Variants in ZNF277 observed in about 807,000 individuals in gnomAD.
ZNF277 encodes the protein nuclear receptor-interacting factor 4.
In ZNF277, 55 loss-of-function variants were observed where a neutral mutation model predicts 60.7. The ratio of observed to expected loss-of-function variants is 0.91; its 90% CI spans 0.73 to 1.13. ZNF277 has a LOEUF of 1.13. Ranked by LOEUF, ZNF277 falls within the 50% of genes most tolerant of loss-of-function variation. ZNF277 has a pLI of 0.00. For synonymous variants in ZNF277, 178 were observed against 179.3 expected, an observed-to-expected ratio of 0.99 and a Z score of 0.06; for missense variants, 510 against 523.0, an observed-to-expected ratio of 0.98 and a Z score of 0.24.
intron 1 of ZNF277, among the ~76,000 whole-genome samples, chr7:112,210,332 G>A (rs1047653332): frequency 1.3e-5 from 2 of 152,170 alleles, no homozygotes; most frequent in African/African-American, 4.8e-5. Flanking sequence ...GAGTGAGTCA[G>A]TGGGTGGGGT....
intron 4 of ZNF277, among the ~76,000 whole-genome samples, chr7:112,316,882 G>A (rs1226723726): frequency 6.6e-6 from 1 of 152,034 alleles, no homozygotes; most frequent in Non-Finnish European, 1.5e-5. Context: ...ATTCACAACA[G>A]CGAAGACTTG....
intron 1 of ZNF277, among the ~76,000 whole-genome samples, chr7:112,273,230 C>T (rs914766173): frequency 2.0e-5 from 3 of 152,198 alleles, no homozygotes; most frequent in Admixed American, 6.5e-5. Context: ...CAGGTTGTGA[C>T]CGCTGGCATG....
intron 1 of ZNF277, among the ~76,000 whole-genome samples, chr7:112,207,488 A>G (rs1470098434): frequency 6.6e-6 from 1 of 152,224 alleles, no homozygotes; most frequent in Non-Finnish European, 1.5e-5. Flanking sequence ...CGTGGCTTCA[A>G]AGAACATTTG....
intron 4 of ZNF277, among the ~76,000 whole-genome samples, chr7:112,298,132 A>G (rs1423468662): frequency 1.3e-5 from 2 of 152,196 alleles, no homozygotes; most frequent in Non-Finnish European, 2.9e-5. Flanking sequence ...GGCATAATCC[A>G]TATCATACAA....
intron 1 of ZNF277, among the ~76,000 whole-genome samples, chr7:112,256,471 C>A (rs1207507435): frequency 1.4e-5 from 2 of 145,376 alleles, no homozygotes; most frequent in East Asian, 4.0e-4. Context: ...ACTCTGTCAC[C>A]CAGACTAGAG....
intron 4 of ZNF277, among the ~76,000 whole-genome samples, chr7:112,305,680 A>G (rs529771588): frequency 1.3e-5 from 2 of 152,020 alleles, no homozygotes; most frequent in Admixed American, 1.3e-4. Flanking sequence ...AACAAACCAA[A>G]AGACCTTCTT....
At chr7:112,320,638 T>C (rs1384809843) in intron 5 of ZNF277, among the ~76,000 whole-genome samples, 2 of 151,676 alleles carry the variant, frequency 1.3e-5, no homozygotes, top group African/African-American at 2.4e-5. Flanking sequence ...ACACCCTTCA[T>C]TGTTTGTTTT....
At chr7:112,244,971 G>T (rs1354306059) in intron 1 of ZNF277, among the ~76,000 whole-genome samples, 4 of 152,074 alleles carry the variant, frequency 2.6e-5, no homozygotes, top group Non-Finnish European at 5.9e-5. Flanking sequence ...AGGAAAAGTA[G>T]CACAAATCCT....
In ZNF277 at chr7:112,318,162, A is replaced by C. The variant is rs73424473; in HGVS notation, c.466-20A>C. On this transcript the variant is annotated intron_variant, in intron 4 of 11. Transcript: ENST00000361822. ...AATTGTGCATTAAGATAATACCATA[A>C]ATCTGTTTCTACTTTCCAGAGAGAA... 0.015 allele frequency: 23,264 copies of C among 1,597,332 alleles called. 2,866 individuals carry two copies. In the African/African-American group the frequency reaches 0.27, roughly 19 times the overall value.
At chr7:112,273,156 G>A (rs1266705119) in intron 1 of ZNF277, among the ~76,000 whole-genome samples, 1 of 152,152 alleles carries the variant, frequency 6.6e-6, no homozygotes. Context: ...CAGTCCTTGT[G>A]GCTGAGTGCC....
chr7:112,226,168 G>T (rs1156775357), intron 1 of ZNF277, among the ~76,000 whole-genome samples: 1 of 152,140 alleles, frequency 6.6e-6, no homozygotes, highest in African/African-American at 2.4e-5. Flanking sequence ...AGTTCCATCT[G>T]TAAATATCTC....
chr7:112,320,776 A>G (rs953458706), intron 5 of ZNF277, among the ~76,000 whole-genome samples: 2 of 152,012 alleles, frequency 1.3e-5, no homozygotes, highest in African/African-American at 4.8e-5. Flanking sequence ...GTCATTACTA[A>G]TAAGATCACA....
intron 6 of ZNF277, chr7:112,328,185 T>C (rs1793142322): frequency 6.3e-6 from 1 of 158,700 alleles, no homozygotes; most frequent in South Asian, 2.0e-4. Context: ...ACCACTATTC[T>C]TAATTTTGTA....
chr7:112,317,579 G>T (rs1277622202), intron 4 of ZNF277, among the ~76,000 whole-genome samples: 1 of 152,054 alleles, frequency 6.6e-6, no homozygotes, highest in Non-Finnish European at 1.5e-5. Flanking sequence ...GATATTATCA[G>T]AGCATATTTT....
At chr7:112,329,883 G>A (rs1793183093) in intron 6 of ZNF277, among the ~76,000 whole-genome samples, 1 of 152,124 alleles carries the variant, frequency 6.6e-6, no homozygotes, top group Admixed American at 6.5e-5. Context: ...GGTCAACTTA[G>A]CTGACTACAA....
chr7:112,336,851 T>A (rs1162117035), intron 8 of ZNF277, among the ~76,000 whole-genome samples: 1 of 152,214 alleles, frequency 6.6e-6, no homozygotes, highest in Non-Finnish European at 1.5e-5. Flanking sequence ...CTAGTTGGAA[T>A]ATTTAATCAG....
In ZNF277 at chr7:112,316,360, C is replaced by T. The variant is rs1792844152; in HGVS notation, c.466-1822C>T. On this transcript the variant is annotated intron_variant, in intron 4 of 11. Transcript: ENST00000361822. Reference sequence around the variant, plus strand: ...TATTTCTTGGCTGTATAAGTGTCCTCTTTTGAGAAGTGTCTGTTTATATCC... The same window carrying T: ...TATTTCTTGGCTGTATAAGTGTCCTTTTTTGAGAAGTGTCTGTTTATATCC... 3.3e-5 allele frequency among the ~76,000 whole-genome samples: 5 copies of T among 151,932 alleles called. No individual in the cohort carries two copies. In the South Asian group the frequency reaches 1.0e-3, roughly 32 times the overall value.
intron 1 of ZNF277, among the ~76,000 whole-genome samples, chr7:112,208,225 A>G (rs1375082638): frequency 1.3e-5 from 2 of 152,074 alleles, no homozygotes; most frequent in African/African-American, 4.8e-5. Context: ...AAATACAAAA[A>G]TTAGCCGGGC....
intron 2 of ZNF277, among the ~76,000 whole-genome samples, chr7:112,290,483 A>G (rs973922536): frequency 7.9e-5 from 12 of 152,218 alleles, no homozygotes; most frequent in African/African-American, 2.9e-4. Flanking sequence ...GCAGATATAC[A>G]ATAAAATGGA....
Sources: gnomAD v4.1 joint callset for allele counts (sites outside exome capture counted in the v4.1 genomes callset) on GRCh38, gnomAD v4.1.1 for gene constraint, MANE v1.5 for transcripts, NCBI Gene and HGNC (gene_info 2026-07-23, HGNC 2026-07-21) for gene names.